The following NTM variants were observed in gnomAD, a reference collection of about 807,000 sequenced individuals.
NTM encodes neurotrimin, also known as IgLON family member 2.
In NTM, 13 loss-of-function variants were observed where a neutral mutation model predicts 42.1. The observed-to-expected ratio is 0.31, with a 90% confidence interval of 0.20 to 0.49. NTM has a LOEUF of 0.49. Ranked by LOEUF, NTM falls within the 20% of genes least tolerant of loss-of-function variation. NTM has a pLI of 0.99. For synonymous variants in NTM, 187 were observed against 179.2 expected (o/e 1.04, Z -0.35); for missense variants, 373 against 452.8 (o/e 0.82, Z 1.60).
chr11:132,334,494 A>T (rs893670965), intron 8 of NTM, among the ~76,000 whole-genome samples: 1 of 152,240 alleles, frequency 6.6e-6, no homozygotes, highest in Non-Finnish European at 1.5e-5. Context: ...GGTGGAACCC[A>T]GGTGCCCTGC....
At chr11:131,641,390 C>T (rs184317918) in intron 1 of NTM, among the ~76,000 whole-genome samples, 126 of 152,288 alleles carry the variant, frequency 8.3e-4, no homozygotes, top group African/African-American at 2.9e-3. Context: ...CACATTGGAA[C>T]ACTTTAAAAT....
chr11:131,916,757 G>A (rs939856831), intron 2 of NTM, among the ~76,000 whole-genome samples: 9 of 152,184 alleles, frequency 5.9e-5, no homozygotes, highest in Non-Finnish European at 1.2e-4. Flanking sequence ...CGCAGCACAT[G>A]GCTTGGCCTG....
chr11:132,290,645 T>G (rs778896596), intron 4 of NTM, among the ~76,000 whole-genome samples: 11 of 152,192 alleles, frequency 7.2e-5, no homozygotes, highest in Non-Finnish European at 1.5e-4. Flanking sequence ...ATGCTACAGA[T>G]ACAGAAATAC....
At chr11:131,486,185 G>A (rs1221955932) in intron 1 of NTM, among the ~76,000 whole-genome samples, 1 of 152,184 alleles carries the variant, frequency 6.6e-6, no homozygotes, top group Non-Finnish European at 1.5e-5. Flanking sequence ...TACTGTGGGT[G>A]TTCAGAAAAG....
At chr11:131,814,807 A>G (rs1414363190) in intron 1 of NTM, among the ~76,000 whole-genome samples, 1 of 152,084 alleles carries the variant, frequency 6.6e-6, no homozygotes, top group East Asian at 1.9e-4. Context: ...CACTCACTCC[A>G]GCGTCCAGTC....
At chr11:131,610,174 C>A (rs1392503834) in intron 1 of NTM, among the ~76,000 whole-genome samples, 1 of 152,148 alleles carries the variant, frequency 6.6e-6, no homozygotes, top group African/African-American at 2.4e-5. Flanking sequence ...AGAAAATAAA[C>A]CTAGTTCAAG....
At chr11:131,412,445 AG>A (rs1946523983) in intron 1 of NTM, among the ~76,000 whole-genome samples, 1 of 152,230 alleles carries the variant, frequency 6.6e-6, no homozygotes, top group Non-Finnish European at 1.5e-5. Flanking sequence ...TTCAACCCAA[AG>A]CATAGATTTG....
chr11:131,512,363 G>A (rs752346445), intron 1 of NTM, among the ~76,000 whole-genome samples: 4 of 152,186 alleles, frequency 2.6e-5, no homozygotes, highest in Non-Finnish European at 4.4e-5. Context: ...AGTAGACCAC[G>A]TCTGCTCCCC....
At chr11:132,229,044 G>A (rs938873358) in intron 4 of NTM, among the ~76,000 whole-genome samples, 4 of 152,130 alleles carry the variant, frequency 2.6e-5, no homozygotes, top group African/African-American at 7.2e-5. Flanking sequence ...AAAATGGTGA[G>A]ATTCTAACTA....
At chr11:132,331,967 G>A (rs1277382083) in intron 8 of NTM, among the ~76,000 whole-genome samples, 1 of 152,196 alleles carries the variant, frequency 6.6e-6, no homozygotes, top group African/African-American at 2.4e-5. Context: ...CAGACTGCAG[G>A]CACATCACGA....
intron 2 of NTM, among the ~76,000 whole-genome samples, chr11:132,072,358 T>C (rs1284888961): frequency 6.6e-6 from 1 of 152,182 alleles, no homozygotes; most frequent in Non-Finnish European, 1.5e-5. Flanking sequence ...TAGGGGTAGA[T>C]ACCAGAGGAA....
intron 2 of NTM, among the ~76,000 whole-genome samples, chr11:132,038,565 A>C (rs1177111295): frequency 6.6e-6 from 1 of 152,142 alleles, no homozygotes; most frequent in African/African-American, 2.4e-5. Context: ...GGCTGTTTAG[A>C]GGATTAAGTG....
intron 1 of NTM, among the ~76,000 whole-genome samples, chr11:131,456,130 G>A (rs997215672): frequency 5.3e-5 from 8 of 152,300 alleles, no homozygotes; most frequent in Admixed American, 3.9e-4. Context: ...TCCAATAGTG[G>A]AGCACTAGGC....
rs2070437793 is a variant in NTM, at chr11:132,146,484, A to G, written c.370A>G (p.Lys124Glu). 6.2e-7 allele frequency: 1 copy of G among 1,614,016 alleles called. No individual in the cohort carries two copies. Among genetic ancestry groups the G allele is most frequent in the African/African-American group, 1.3e-5 (1 of 74,910 alleles). The change falls in exon 3 of 9, where the codon AAG becomes GAG. Residue 124 changes from lysine to glutamate, a missense_variant. Physicochemically the swap from Lys to Glu is moderately conservative, Grantham distance 56 (BLOSUM62 1). Transcript: ENST00000683400. The surrounding 1 kb of genome is among the most constrained non-coding windows in gnomAD (Gnocchi z 4.5). Reference sequence around the variant, plus strand: ...CTCGGTGCAGACAGACAACCACCCAAAGACCTCTAGGGTCCACCTCATTGT... The same window carrying G: ...CTCGGTGCAGACAGACAACCACCCAGAGACCTCTAGGGTCCACCTCATTGT... ...TCSVQTDNHPKTSRVHLIVQV... is the reference protein window; with the variant it reads ...TCSVQTDNHPETSRVHLIVQV...
chr11:131,436,620 G>A (rs999209524), intron 1 of NTM, among the ~76,000 whole-genome samples: 15 of 152,156 alleles, frequency 9.9e-5, no homozygotes, highest in Non-Finnish European at 1.9e-4. Flanking sequence ...CTGTGGGATC[G>A]GTGGTGATAT....
At chr11:131,776,943 C>T (rs2087105933) in intron 1 of NTM, 2 of 155,242 alleles carry the variant, frequency 1.3e-5, no homozygotes, top group South Asian at 4.1e-4. Flanking sequence ...TTAGTAAAGG[C>T]TATACCAATG....
At chr11:132,107,857 A>G (rs2062610736) in intron 2 of NTM, among the ~76,000 whole-genome samples, 1 of 152,156 alleles carries the variant, frequency 6.6e-6, no homozygotes, top group African/African-American at 2.4e-5. Context: ...GTCATGCTAA[A>G]GACTTCATCC....
intron 1 of NTM, among the ~76,000 whole-genome samples, chr11:131,592,771 C>T (rs926916777): frequency 6.6e-6 from 1 of 152,048 alleles, no homozygotes; most frequent in Non-Finnish European, 1.5e-5. Flanking sequence ...GGTCTCCTTG[C>T]CAGCCCTGGC....
chr11:131,749,561 G>A (rs1339387450), intron 1 of NTM, among the ~76,000 whole-genome samples: 1 of 152,144 alleles, frequency 6.6e-6, no homozygotes, highest in Non-Finnish European at 1.5e-5. Context: ...CTCTGTTGTT[G>A]ACGTATGTCC....
Sources: gnomAD v4.1 joint callset for allele counts (sites outside exome capture counted in the v4.1 genomes callset) on GRCh38, gnomAD v4.1.1 for gene constraint, Gnocchi (gnomAD v3.1) non-coding constraint, MANE v1.5 for transcripts, NCBI Gene and HGNC (gene_info 2026-07-23, HGNC 2026-07-21) for gene names.